The following MTDH variants were observed in gnomAD, a reference collection of about 807,000 sequenced individuals.
MTDH encodes protein LYRIC.
Under a neutral mutation model 72.7 loss-of-function variants are expected in MTDH, and 34 were observed. The observed-to-expected ratio is 0.47, with a 90% CI of 0.36 to 0.62. The LOEUF (loss-of-function observed/expected upper bound fraction) is 0.62, where lower values mean the gene tolerates loss of function less well. Among genes scored for constraint, MTDH ranks in the 20% least tolerant of loss-of-function variants. The pLI is 0.00. For missense variants in MTDH, 677 were observed against 699.4 expected (o/e 0.97, Z 0.36); for synonymous variants, 266 against 268.9 (o/e 0.99, Z 0.10).
At chr8:97,650,252 G>A (rs1414120604) in intron 1 of MTDH, among the ~76,000 whole-genome samples, 4 of 151,534 alleles carry the variant, frequency 2.6e-5, no homozygotes, top group Admixed American at 6.6e-5. Context: ...CACCAGGCCC[G>A]GCCAGTTTCT....
intron 1 of MTDH, among the ~76,000 whole-genome samples, chr8:97,654,543 C>A (rs899405405): frequency 1.3e-5 from 2 of 151,352 alleles, no homozygotes; most frequent in Admixed American, 1.3e-4. Flanking sequence ...TTCCTAATTT[C>A]TTGCCTTTAT....
intron 2 of MTDH, among the ~76,000 whole-genome samples, chr8:97,667,844 A>G (rs1287480350): frequency 6.6e-6 from 1 of 151,712 alleles, no homozygotes; most frequent in Non-Finnish European, 1.5e-5. Flanking sequence ...AAAAAAAAAA[A>G]AAAAAAGGAA....
At chr8:97,677,399 G>A (rs1812897249) in intron 2 of MTDH, among the ~76,000 whole-genome samples, 1 of 151,202 alleles carries the variant, frequency 6.6e-6, no homozygotes, top group Non-Finnish European at 1.5e-5. Context: ...GCTGAGGCAG[G>A]AGAATTCCTT....
intron 9 of MTDH, among the ~76,000 whole-genome samples, chr8:97,717,840 C>G (rs1251106340): frequency 6.6e-6 from 1 of 151,228 alleles, no homozygotes; most frequent in Admixed American, 6.6e-5. Flanking sequence ...ACCTTCATCT[C>G]CCAGGTTCAA....
At chr8:97,698,048 T>C (rs1272193785) in intron 6 of MTDH, among the ~76,000 whole-genome samples, 1 of 152,092 alleles carries the variant, frequency 6.6e-6, no homozygotes, top group African/African-American at 2.4e-5. Context: ...AACATACATA[T>C]AGAGAGAGTA....
chr8:97,716,461 G>A (rs184519762), intron 9 of MTDH, among the ~76,000 whole-genome samples: 4 of 152,056 alleles, frequency 2.6e-5, no homozygotes, highest in East Asian at 1.9e-4. Flanking sequence ...AGGCCGAGGC[G>A]GGTGGATCAC....
rs1336480165 is a variant in MTDH, at chr8:97,695,404, G to C, written c.1048+4216G>C. On this transcript the variant is annotated intron_variant, in intron 6 of 11. Transcript: ENST00000336273. ...TGGGTTTAGAGGCATGAGCCACTCC[G>C]CCCAGCCTACAATTTACTTGTAAAA... Among the ~76,000 whole-genome samples the C allele has an allele frequency of 2.0e-5, 3 of 152,188 alleles. No homozygotes were observed. The East Asian group carries it at 5.8e-4, about 29-fold the overall frequency.
rs1342119387 is a variant in MTDH at position 97,644,435 on chromosome 8, G to A, written c.-72G>A. The A allele has an allele frequency of 4.0e-6, 6 of 1,493,156 alleles. No individual in the cohort carries two copies. Among genetic ancestry groups the A allele is most frequent in the South Asian group, 1.2e-5 (1 of 80,102 alleles). 92.5% of individuals were successfully genotyped at this position (1,493,156 alleles called of 1,614,324 possible). A position where few individuals can be genotyped will look rare whatever the true frequency, so the allele number is the denominator to read the frequency against. ...AGGTTACCCGGCCCGGCCCTTCCTC[G>A]CTTCCCTCGACTATTCCACTGCGTC... On this transcript the variant is annotated 5_prime_UTR_variant, in exon 1 of 12. Coordinates refer to ENST00000336273, the MANE Select transcript of MTDH (RefSeq NM_178812.4).
chr8:97,700,247 A>G (rs898056696), intron 7 of MTDH, among the ~76,000 whole-genome samples: 1 of 152,172 alleles, frequency 6.6e-6, no homozygotes, highest in Non-Finnish European at 1.5e-5. Context: ...CCCAGTTGCC[A>G]GTAGAAGTTT....
At chr8:97,710,683 CAAAAAAAAAAAAAA>C (rs376391821) in intron 8 of MTDH, among the ~76,000 whole-genome samples, 4 of 53,110 alleles carry the variant, frequency 7.5e-5, no homozygotes, top group Admixed American at 2.6e-4. Context: ...GAGACTATCT[CAAAAAAAAAAAAAA>C]AAAAAAAAAA....
At chr8:97,662,233 A>G (rs912901237) in intron 2 of MTDH, among the ~76,000 whole-genome samples, 1 of 149,510 alleles carries the variant, frequency 6.7e-6, no homozygotes, top group Non-Finnish European at 1.5e-5. Flanking sequence ...GGGTCTCACT[A>G]TGTTGCCCAC....
Position 97,711,469 on chromosome 8 carries a change from G to A in MTDH, c.1273-2193G>A, listed in dbSNP as rs142883313. On this transcript the variant is annotated intron_variant, in intron 8 of 11. Transcript: ENST00000336273. ...TGTACTCCAGCCTGAGCAACAGAGCGAGACCCTGTCTTGAAAAAAACAAAA... is the reference window on the plus strand; with the variant it reads ...TGTACTCCAGCCTGAGCAACAGAGCAAGACCCTGTCTTGAAAAAAACAAAA... Among the ~76,000 whole-genome samples, 265 of 151,890 alleles carry A rather than the reference G, an allele frequency of 1.7e-3. 1 individual carries two copies. The highest frequency in any genetic ancestry group is 6.0e-3 in the African/African-American group (250 of 41,414).
At chr8:97,709,982 G>A (rs1187044752) in intron 8 of MTDH, among the ~76,000 whole-genome samples, 2 of 152,196 alleles carry the variant, frequency 1.3e-5, no homozygotes, top group Non-Finnish European at 2.9e-5. Context: ...TTATAATGAA[G>A]TGATAAGCTG....
Position 97,644,395 on chromosome 8 carries a change from G to T in MTDH, c.-112G>T. On this transcript the variant is annotated 5_prime_UTR_variant, in exon 1 of 12. Coordinates refer to ENST00000336273, the MANE Select transcript of MTDH (RefSeq NM_178812.4). Reference sequence around the variant, plus strand: ...CGGCTCCGGCGCGAGGGACGGCCGCGATGCGCTCGGCCTGAGGTTACCCGG... The same window carrying T: ...CGGCTCCGGCGCGAGGGACGGCCGCTATGCGCTCGGCCTGAGGTTACCCGG... 1 of 1,389,126 alleles carries T rather than the reference G, an allele frequency of 7.2e-7. No homozygotes were observed. Among genetic ancestry groups the T allele is most frequent in the South Asian group, 1.4e-5 (1 of 71,176 alleles). 86.1% of individuals were successfully genotyped at this position (1,389,126 alleles called of 1,614,324 possible). A position where few individuals can be genotyped will look rare whatever the true frequency, so the allele number is the denominator to read the frequency against.
At position 97,730,111 on chromosome 8, in the gene MTDH, G is replaced by A. The variant is rs1815501543; in HGVS notation, c.*5441G>A. Among the ~76,000 whole-genome samples, 1 of 152,150 alleles carries A rather than the reference G, an allele frequency of 6.6e-6. No homozygotes were observed. The highest frequency in any genetic ancestry group is 2.4e-5 in the African/African-American group (1 of 41,434). Reference sequence around the variant, plus strand: ...AATACGTTAATTGAGAAAACTTTAAGCAGGTTCAAAGTTATCCCATGATAG... The same window carrying A: ...AATACGTTAATTGAGAAAACTTTAAACAGGTTCAAAGTTATCCCATGATAG... On this transcript the variant is annotated 3_prime_UTR_variant, in exon 12 of 12. Coordinates refer to ENST00000336273, the MANE Select transcript of MTDH (RefSeq NM_178812.4).
chr8:97,653,245 G>A (rs1419345862), intron 1 of MTDH, among the ~76,000 whole-genome samples: 1 of 152,046 alleles, frequency 6.6e-6, no homozygotes, highest in African/African-American at 2.4e-5. Flanking sequence ...CTTATTCAAG[G>A]TCATAGGACA....
chr8:97,688,529 G>A (rs1813456118), intron 4 of MTDH, among the ~76,000 whole-genome samples: 1 of 152,054 alleles, frequency 6.6e-6, no homozygotes, highest in Admixed American at 6.6e-5. Flanking sequence ...TAAACATTGT[G>A]ATCATTATGC....
intron 2 of MTDH, among the ~76,000 whole-genome samples, chr8:97,676,998 C>CT (rs1554577217): frequency 2.8e-4 from 2 of 7,144 alleles, no homozygotes; most frequent in Admixed American, 3.4e-3. Flanking sequence ...GAGTGAGACT[C>CT]TATCTCAAAA....
Position 97,687,707 on chromosome 8 carries a change from A to G in MTDH, c.745+102A>G, listed in dbSNP as rs947081328. On this transcript the variant is annotated intron_variant, in intron 4 of 11. Transcript: ENST00000336273. ...CAAAATCTGACTATTTTGAATGCTA[A>G]CATCATTGTGCTGATATACCCTTCT... 5 of 1,042,476 alleles carry G rather than the reference A, an allele frequency of 4.8e-6. No individual in the cohort carries two copies. In the East Asian group the frequency reaches 7.7e-5, roughly 16 times the overall value. 64.6% of individuals were successfully genotyped at this position (1,042,476 alleles called of 1,614,324 possible). A position where few individuals can be genotyped will look rare whatever the true frequency, so the allele number is the denominator to read the frequency against.
Sources: allele counts gnomAD v4.1 joint callset (sites outside exome capture counted in the v4.1 genomes callset), GRCh38; gene constraint gnomAD v4.1.1; transcripts MANE v1.5; gene names NCBI Gene and HGNC (gene_info 2026-07-23, HGNC 2026-07-21).